GTPBP8: variants seen among roughly 807,000 people sequenced by gnomAD.
GTPBP8 encodes the protein GTP binding protein 8.
GTPBP8 carries 21 observed loss-of-function variants against 27.3 expected under a neutral mutation model. That is an observed-to-expected ratio of 0.77 (90% confidence interval 0.55 to 1.11). The LOEUF (loss-of-function observed/expected upper bound fraction) is 1.11, where lower values mean the gene tolerates loss of function less well. Ranked by LOEUF, GTPBP8 falls within the 50% of genes least tolerant of loss-of-function variation. The probability of loss-of-function intolerance (pLI) is 0.00; values close to 1 mark genes in which losing one functional copy is unlikely to be tolerated. For missense variants in GTPBP8, 380 were observed against 350.8 expected, an observed-to-expected ratio of 1.08 and a Z score of -0.67; for synonymous variants, 147 against 135.3, an observed-to-expected ratio of 1.09 and a Z score of -0.60.
intron 4 of GTPBP8, among the ~76,000 whole-genome samples, chr3:112,998,809 C>T (rs1321591800): frequency 6.6e-6 from 1 of 152,208 alleles, no homozygotes; most frequent in Non-Finnish European, 1.5e-5. Context: ...CCATTAGCAT[C>T]TTTTATGACT....
rs769914860 is a variant in GTPBP8 at position 112,991,423 on chromosome 3, G to C, written c.336+88G>C. On this transcript the variant is annotated intron_variant, in intron 1 of 5. Coordinates refer to ENST00000383678, the MANE Select transcript of GTPBP8 (RefSeq NM_014170.4). ...CCGTCCGGCTCGCGGGTGATTTTGC[G>C]GTTGTATTTTCTAGCTTTATGTTGG... 3.2e-6 allele frequency: 4 copies of C among 1,230,778 alleles called. No individual in the cohort carries two copies. In the Admixed American group the frequency reaches 7.2e-5, roughly 22 times the overall value. The allele number at this position is 1,230,778 out of a possible 1,614,324, so 76.2% of individuals were successfully genotyped here. A position where few individuals can be genotyped will look rare whatever the true frequency, so the allele number is the denominator to read the frequency against.
chr3:113,000,773 T>C, intron 5 of GTPBP8, 77 bp from the exon 6 acceptor site: 1 of 854,460 alleles, frequency 1.2e-6, no homozygotes, highest in Non-Finnish European at 1.9e-6. Context: ...TAAGAATTTG[T>C]AAATTTTTTT....
chr3:112,991,048 C>T lies in GTPBP8; in HGVS notation c.49C>T (p.Pro17Ser). The stretch of plus-strand genomic sequence containing the variant: ...GGGAGCGGGAAGACTCTTTGAAATG[C>T]CTGCGGTGCTAGAGCGACTGAGCCG... ...RLGAGRLFEMPAVLERLSRYN... is the reference protein window; with the variant it reads ...RLGAGRLFEMSAVLERLSRYN... Residue 17 changes from proline to serine, a missense_variant, in exon 1 of 6, where the codon CCT becomes TCT. Transcript: ENST00000383678. The T allele has an allele frequency of 6.2e-7, 1 of 1,609,584 alleles. No individual in the cohort carries two copies.
At chr3:112,993,394 G>T (rs1219882131) in intron 2 of GTPBP8, among the ~76,000 whole-genome samples, 1 of 152,130 alleles carries the variant, frequency 6.6e-6, no homozygotes, top group Non-Finnish European at 1.5e-5. Flanking sequence ...GTGTCTTATT[G>T]TCATTCTATA....
At chr3:112,999,928 T>C (rs1162378652) in intron 5 of GTPBP8, among the ~76,000 whole-genome samples, 1 of 152,234 alleles carries the variant, frequency 6.6e-6, no homozygotes. Context: ...TCCATCCAGG[T>C]TGCTTCACAT....
At chr3:113,000,242 A>T (rs577600971) in intron 5 of GTPBP8, among the ~76,000 whole-genome samples, 6 of 152,204 alleles carry the variant, frequency 3.9e-5, no homozygotes, top group South Asian at 4.1e-4. Flanking sequence ...TAAAATAAAA[A>T]AAAAAATTAG....
At position 113,001,062 on chromosome 3, in the gene GTPBP8, T is replaced by G; in HGVS notation, c.*143T>G. 1 of 555,948 alleles carries G rather than the reference T, an allele frequency of 1.8e-6. No individual in the cohort carries two copies. Among genetic ancestry groups the G allele is most frequent in the Non-Finnish European group, 3.2e-6 (1 of 317,184 alleles). 34.4% of individuals were successfully genotyped at this position (555,948 alleles called of 1,614,324 possible). A position where few individuals can be genotyped will look rare whatever the true frequency, so the allele number is the denominator to read the frequency against. On this transcript the variant is annotated 3_prime_UTR_variant, in exon 6 of 6. Coordinates refer to ENST00000383678, the MANE Select transcript of GTPBP8 (RefSeq NM_014170.4). ...AGGATCACTTGAGCTTTAAAACCTGTGCCTTCTCGAAACAAGAATTTGTGC... is the reference window on the plus strand; with the variant it reads ...AGGATCACTTGAGCTTTAAAACCTGGGCCTTCTCGAAACAAGAATTTGTGC...
intron 3 of GTPBP8, among the ~76,000 whole-genome samples, chr3:112,995,938 A>G (rs183383779): frequency 6.6e-6 from 1 of 152,342 alleles, no homozygotes; most frequent in East Asian, 1.9e-4. Flanking sequence ...TACTTCAGAC[A>G]TCACATTTGC....
chr3:112,994,146 G>A lies in GTPBP8; in HGVS notation c.436-989G>A, dbSNP rs1467260539. 2.0e-5 allele frequency among the ~76,000 whole-genome samples: 3 copies of A among 152,072 alleles called. No homozygotes were observed. The East Asian group carries it at 5.8e-4, about 29-fold the overall frequency. ...ACTTTAAAAATTGCCTATCTTGCCG[G>A]GCACAGTGGCTCATGCCTGTAATCC... On this transcript the variant is annotated intron_variant, in intron 2 of 5. Transcript: ENST00000383678.
chr3:112,995,090 G>A (rs961478520), intron 2 of GTPBP8, 45 bp from the exon 3 acceptor site: 1 of 1,416,082 alleles, frequency 7.1e-7, no homozygotes, highest in Non-Finnish European at 9.7e-7. Context: ...ACTAGATGGA[G>A]GACATATCTT....
chr3:112,991,338 G>T lies in GTPBP8; in HGVS notation c.336+3G>T. ...CCCCGGACCTTCCGCGGCCAGAGGT[G>T]AGAGGCGATTCTCACGGTTCACCTG... On this transcript the variant is annotated splice_donor_region_variant and intron_variant, in intron 1 of 5. Coordinates refer to ENST00000383678, the MANE Select transcript of GTPBP8 (RefSeq NM_014170.4). The T allele has an allele frequency of 6.2e-7, 1 of 1,613,086 alleles. No homozygotes were observed. The highest frequency in any genetic ancestry group is 1.1e-5 in the South Asian group (1 of 91,062).
At position 112,991,218 on chromosome 3, in the gene GTPBP8, A is replaced by G. The variant is rs2107363323; in HGVS notation, c.219A>G (p.Pro73=). 6.2e-7 allele frequency: 1 copy of G among 1,614,142 alleles called. No homozygotes were observed. Among genetic ancestry groups the G allele is most frequent in the Non-Finnish European group, 8.5e-7 (1 of 1,180,030 alleles). ...RQDLHLRIFD[P]SPEDIARADN... ...ACCTTCACCTGCGTATCTTTGACCC[A>G]AGCCCGGAGGACATAGCCAGGGCGG... Residue 73 remains proline (P), a synonymous_variant, in exon 1 of 6, where the codon CCA becomes CCG. Coordinates refer to ENST00000383678, the MANE Select transcript of GTPBP8 (RefSeq NM_014170.4).
chr3:112,999,456 C>G lies in GTPBP8; in HGVS notation c.677C>G (p.Thr226Arg). 1.4e-6 allele frequency: 2 copies of G among 1,409,852 alleles called. No individual in the cohort carries two copies. Among genetic ancestry groups the G allele is most frequent in the South Asian group, 1.3e-5 (1 of 74,240 alleles). The allele number at this position is 1,409,852 out of a possible 1,614,324, so 87.3% of individuals were successfully genotyped here. Residue 226 changes from threonine to arginine, a missense_variant, in exon 5 of 6, where the codon ACA becomes AGA. Thr to Arg is a moderately conservative substitution (Grantham distance 71). Transcript: ENST00000383678. ...TTTGTTTTCTTATAGATTGTATTAA[C>G]AAAAATTGACAAATCTTCCAAGGGA... ...EFALPYVIVL[T>R]KIDKSSKGHL...
At chr3:112,994,194 C>G (rs1933740798) in intron 2 of GTPBP8, among the ~76,000 whole-genome samples, 1 of 152,124 alleles carries the variant, frequency 6.6e-6, no homozygotes, top group African/African-American at 2.4e-5. Flanking sequence ...GAGGCCGAGG[C>G]TGGCCAATCA....
At position 113,000,922 on chromosome 3, in the gene GTPBP8, G is replaced by T; in HGVS notation, c.*3G>T. On this transcript the variant is annotated 3_prime_UTR_variant, in exon 6 of 6. Coordinates refer to ENST00000383678, the MANE Select transcript of GTPBP8 (RefSeq NM_014170.4). Reference sequence around the variant, plus strand: ...GTGTAACAGGAAGTCTTGACTAATGGTTCCCGGTTTAGCTGAAGATTCAAA... The same window carrying T: ...GTGTAACAGGAAGTCTTGACTAATGTTTCCCGGTTTAGCTGAAGATTCAAA... The T allele has an allele frequency of 3.4e-6, 5 of 1,485,830 alleles. No homozygotes were observed. The highest frequency in any genetic ancestry group is 2.3e-5 in the East Asian group (1 of 43,226). 92.0% of individuals were successfully genotyped at this position (1,485,830 alleles called of 1,614,324 possible).
chr3:113,000,709 AGAG>A (rs1933882868), intron 5 of GTPBP8, 138 bp from the exon 6 acceptor site: 2 of 512,540 alleles, frequency 3.9e-6, no homozygotes, highest in Non-Finnish European at 6.9e-6. Flanking sequence ...GGCTGGGGGA[AGAG>A]AAGAAAGCTA....
At position 112,991,085 on chromosome 3, in the gene GTPBP8, C is replaced by T; in HGVS notation, c.86C>T (p.Thr29Met). ...GAGCGACTGAGCCGCTATAATAGCA[C>T]GTCCCAAGCTTTTGCTGAGGTGCTG... is the stretch of plus-strand genomic sequence containing the variant. ...VLERLSRYNS[T>M]SQAFAEVLRL... Residue 29 changes from threonine to methionine, a missense_variant, in exon 1 of 6, where the codon ACG (threonine) becomes ATG (methionine). Thr to Met is a moderately conservative substitution (Grantham distance 81). Transcript: ENST00000383678. 1 of 1,614,032 alleles carries T rather than the reference C, an allele frequency of 6.2e-7. No individual in the cohort carries two copies. Among genetic ancestry groups the T allele is most frequent in the Non-Finnish European group, 8.5e-7 (1 of 1,179,986 alleles).
At chr3:112,992,952 T>A in intron 1 of GTPBP8, 74 bp from the exon 2 acceptor site, 1 of 736,234 alleles carries the variant, frequency 1.4e-6, no homozygotes. Flanking sequence ...GTGTTAGAAT[T>A]TGAAGTTTTT....
Position 112,993,115 on chromosome 3 carries a change from C to A in GTPBP8, c.426C>A (p.Ser142=). ...CCCCTGAGGTTGAAGTCAGAGTCTCCAAAAAACCAGTATGTTGAAGTTTTT... is the reference window on the plus strand; with the variant it reads ...CCCCTGAGGTTGAAGTCAGAGTCTCAAAAAAACCAGTATGTTGAAGTTTTT... ...SLAPEVEVRV[S]KKPGHTKKMN... Residue 142 remains serine, a synonymous_variant, in exon 2 of 6, where the codon TCC becomes TCA. Coordinates refer to ENST00000383678, the MANE Select transcript of GTPBP8 (RefSeq NM_014170.4). 6.3e-7 allele frequency: 1 copy of A among 1,575,078 alleles called. No individual in the cohort carries two copies. Among genetic ancestry groups the A allele is most frequent in the Admixed American group, 1.7e-5 (1 of 59,000 alleles).
Sources: gnomAD v4.1 joint callset for allele counts (sites outside exome capture counted in the v4.1 genomes callset) on GRCh38, gnomAD v4.1.1 for gene constraint, MANE v1.5 for transcripts, NCBI Gene and HGNC (gene_info 2026-07-23, HGNC 2026-07-21) for gene names.